Variants in SVEP1 observed in about 807,000 individuals in gnomAD.
SVEP1 encodes sushi, von Willebrand factor type A, EGF and pentraxin domain containing 1.
SVEP1 carries 164 observed loss-of-function variants against 367.3 expected under a neutral mutation model. That is an observed-to-expected ratio of 0.45 (90% CI 0.39 to 0.51). SVEP1 has a LOEUF of 0.51. SVEP1 is among the 20% of genes least tolerant of loss of function. The pLI is 0.00. For synonymous variants in SVEP1, 1,666 were observed against 1,611.6 expected (o/e 1.03, Z -0.81); for missense variants, 4,117 against 4,425.3 (o/e 0.93, Z 1.98).
At position 110,411,961 on chromosome 9, in the gene SVEP1, C is replaced by T. The variant is rs373113963; in HGVS notation, c.5976-226G>A. Among the ~76,000 whole-genome samples, 15 of 152,118 alleles carry T rather than the reference C, an allele frequency of 9.9e-5. 1 individual carries two copies. Among genetic ancestry groups the T allele is most frequent in the South Asian group, 6.2e-4 (3 of 4,806 alleles). On this transcript the variant is annotated intron_variant, in intron 36 of 47. Coordinates refer to ENST00000374469, the MANE Select transcript of SVEP1 (RefSeq NM_153366.4). The stretch of plus-strand genomic sequence containing the variant: ...GAAACATGTATTTAAATCTTCCCAA[C>T]GACTTTATCTTTAAAATAATATTGA...
At chr9:110,541,787 ATAGATAT>A in intron 3 of SVEP1, among the ~76,000 whole-genome samples, 3 of 145,832 alleles carry the variant, frequency 2.1e-5, no homozygotes, top group African/African-American at 7.5e-5. Flanking sequence ...ATCTATATAC[ATAGATAT>A]CTATATATAT....
intron 2 of SVEP1, among the ~76,000 whole-genome samples, chr9:110,547,779 A>C (rs1289492901): frequency 2.6e-5 from 4 of 152,278 alleles, no homozygotes; most frequent in African/African-American, 9.6e-5. Context: ...AGCTGCAGAG[A>C]ACACAGAGGC....
intron 1 of SVEP1, among the ~76,000 whole-genome samples, chr9:110,571,210 C>G (rs567638747): frequency 7.2e-5 from 11 of 152,178 alleles, no homozygotes; most frequent in Admixed American, 6.5e-4. Context: ...CTCAGGTGAT[C>G]CACCTGCCTC....
chr9:110,470,781 T>C (rs1829004700), intron 16 of SVEP1, among the ~76,000 whole-genome samples: 1 of 148,938 alleles, frequency 6.7e-6, no homozygotes, highest in Non-Finnish European at 1.5e-5. Flanking sequence ...AATAAATATA[T>C]ATATATATTT....
chr9:110,476,785 A>T (rs1829102228), intron 13 of SVEP1, among the ~76,000 whole-genome samples: 1 of 152,150 alleles, frequency 6.6e-6, no homozygotes, highest in Admixed American at 6.6e-5. Flanking sequence ...CCCAGAAAAT[A>T]TTCTAGAAAT....
chr9:110,472,152 T>C lies in SVEP1; in HGVS notation c.2764+7A>G, dbSNP rs755510651. ...ATTGCTTTTTCAAATAGACAGTTTA[T>C]CCTTACCTGTGATGTTAAAAATTAA... is the stretch of plus-strand genomic sequence containing the variant. On this transcript the variant is annotated splice_region_variant and intron_variant, in intron 15 of 47. Transcript: ENST00000374469. The C allele has an allele frequency of 1.9e-6, 3 of 1,608,944 alleles. No homozygotes were observed.
At position 110,375,482 on chromosome 9, in the gene SVEP1, A is replaced by AAC; in HGVS notation, c.10505-20_10505-19insGT. 1 of 1,513,070 alleles carries AAC rather than the reference A, an allele frequency of 6.6e-7. No homozygotes were observed. The highest frequency in any genetic ancestry group is 8.9e-7 in the Non-Finnish European group (1 of 1,126,474). 93.7% of individuals were successfully genotyped at this position (1,513,070 alleles called of 1,614,324 possible). On this transcript the variant is annotated intron_variant, in intron 45 of 47. Coordinates refer to ENST00000374469, the MANE Select transcript of SVEP1 (RefSeq NM_153366.4). The stretch of plus-strand genomic sequence containing the variant: ...CAGATTGCTAAAAAAAAAAAAAAAA[A>AAC]AAAAAAAAGGAGGCAGGGGGGATTG...
At chr9:110,434,533 G>A (rs373472765) in intron 29 of SVEP1, 27 bp from the exon 30 acceptor site, 2 of 1,604,628 alleles carry the variant, frequency 1.2e-6, no homozygotes, top group Non-Finnish European at 1.7e-6. Flanking sequence ...CAGGTGCAGA[G>A]CTTGTCAGCG....
intron 26 of SVEP1, 38 bp from the exon 27 acceptor site, chr9:110,443,758 C>T (rs759469815): frequency 6.7e-7 from 1 of 1,502,344 alleles, no homozygotes; most frequent in Non-Finnish European, 8.9e-7. Flanking sequence ...TAGTCATTAG[C>T]CATATGTTGC....
chr9:110,533,173 T>C (rs1008088808), intron 3 of SVEP1, among the ~76,000 whole-genome samples: 1 of 152,108 alleles, frequency 6.6e-6, no homozygotes, highest in African/African-American at 2.4e-5. Context: ...GCCCTGTTCC[T>C]AACAGGCCAC....
At chr9:110,546,682 C>T (rs1702041662) in intron 2 of SVEP1, among the ~76,000 whole-genome samples, 1 of 152,140 alleles carries the variant, frequency 6.6e-6, no homozygotes, top group Admixed American at 6.5e-5. Context: ...GCAACGAGTC[C>T]CCAGATCCTT....
At chr9:110,440,278 A>G (rs183686912) in intron 27 of SVEP1, among the ~76,000 whole-genome samples, 38 of 152,212 alleles carry the variant, frequency 2.5e-4, no homozygotes, top group African/African-American at 6.0e-4. Flanking sequence ...ACACTATGCT[A>G]CTACTTTGGG....
chr9:110,546,066 A>C, intron 3 of SVEP1, 49 bp downstream of exon 3: 5 of 1,540,088 alleles, frequency 3.2e-6, no homozygotes, highest in Non-Finnish European at 4.4e-6. Flanking sequence ...TTTTAGAATC[A>C]TTTGTTACAC....
chr9:110,480,801 T>C (rs1437785535), intron 12 of SVEP1, among the ~76,000 whole-genome samples: 1 of 151,398 alleles, frequency 6.6e-6, no homozygotes, highest in Non-Finnish European at 1.5e-5. Flanking sequence ...CCAACTAATT[T>C]TTTTTTTTTA....
intron 35 of SVEP1, among the ~76,000 whole-genome samples, chr9:110,428,939 G>A (rs1464011012): frequency 6.6e-6 from 1 of 152,070 alleles, no homozygotes; most frequent in African/African-American, 2.4e-5. Flanking sequence ...GCATAGTGAC[G>A]CACACCTGTA....
At position 110,387,303 on chromosome 9, in the gene SVEP1, G is replaced by T; in HGVS notation, c.10042C>A (p.Pro3348Thr). ...HCTENGTWSH[P>T]VPLCKPNPCP... The stretch of plus-strand genomic sequence containing the variant: ...CACACACGTTTGCAGAGAGGGACTG[G>T]GTGGCTCCAGGTTCCATTTTCTGTG... The change falls in exon 42 of 48, where the codon CCA becomes ACA. Residue 3348 changes from proline to threonine, a missense_variant. Physicochemically the swap from Pro to Thr is conservative, Grantham distance 38. Around this residue, in one of 4 missense-constraint regions of SVEP1, gnomAD observed 1,765 missense variants for 1,781.1 expected, o/e 0.99. Transcript: ENST00000374469. 6.3e-7 allele frequency: 1 copy of T among 1,599,982 alleles called. No homozygotes were observed. Among genetic ancestry groups the T allele is most frequent in the Non-Finnish European group, 8.5e-7 (1 of 1,176,452 alleles).
chr9:110,521,111 C>T (rs769347672), intron 3 of SVEP1, among the ~76,000 whole-genome samples: 21 of 152,144 alleles, frequency 1.4e-4, no homozygotes, highest in Non-Finnish European at 2.2e-4. Flanking sequence ...TAGAACAGAA[C>T]GTGTTTTCTC....
At chr9:110,518,382 A>G (rs945847025) in intron 3 of SVEP1, among the ~76,000 whole-genome samples, 2 of 152,002 alleles carry the variant, frequency 1.3e-5, no homozygotes, top group East Asian at 3.9e-4. Flanking sequence ...TGATAGCGCC[A>G]TTGCACTCCA....
rs768905814 is a variant in SVEP1, at chr9:110,579,191, G to T, written c.353C>A (p.Thr118Lys). ...KLLSDFPVVP[T>K]ATRVAIVTFS... The stretch of plus-strand genomic sequence containing the variant: ...GGTCACGATGGCCACGCGCGTGGCC[G>T]TGGGCACCACGGGGAAGTCGGACAG... The change falls in exon 1 of 48, where the codon ACG becomes AAG. Residue 118 changes from threonine (T) to lysine (K), a missense_variant. Thr to Lys is a moderately conservative substitution (Grantham distance 78). Around this residue, in one of 4 missense-constraint regions of SVEP1, gnomAD observed 2,174 missense variants for 2,494.3 expected, o/e 0.87. Transcript: ENST00000374469. The surrounding 1 kb of genome is among the most constrained non-coding windows in gnomAD (Gnocchi z 5.3). 2.1e-5 allele frequency: 33 copies of T among 1,570,324 alleles called. No individual in the cohort carries two copies. The highest frequency in any genetic ancestry group is 2.8e-5 in the Non-Finnish European group (33 of 1,158,640).
Sources: gnomAD v4.1 joint callset for allele counts (sites outside exome capture counted in the v4.1 genomes callset) on GRCh38, gnomAD v4.1.1 for gene constraint, gnomAD v4.1.1 regional missense constraint, Gnocchi (gnomAD v3.1) non-coding constraint, MANE v1.5 for transcripts, NCBI Gene and HGNC (gene_info 2026-07-23, HGNC 2026-07-21) for gene names.